The following SCEL variants were observed in gnomAD, a reference collection of about 807,000 sequenced individuals.
SCEL encodes sciellin.
In SCEL, 113 loss-of-function variants were observed where a neutral mutation model predicts 117.6. That is an observed-to-expected ratio of 0.96 (90% CI 0.83 to 1.12). The LOEUF (loss-of-function observed/expected upper bound fraction) is 1.12. Among genes scored for constraint, SCEL ranks in the 50% most tolerant of loss-of-function variants. The probability of loss-of-function intolerance (pLI) is 0.00; values close to 1 mark genes in which losing one functional copy is unlikely to be tolerated. For missense variants in SCEL, 785 were observed against 810.8 expected, an observed-to-expected ratio of 0.97 and a Z score of 0.39; for synonymous variants, 270 against 256.2, an observed-to-expected ratio of 1.05 and a Z score of -0.51.
intron 9 of SCEL, among the ~76,000 whole-genome samples, chr13:77,586,684 C>T (rs1289874256): frequency 6.6e-6 from 1 of 152,174 alleles, no homozygotes; most frequent in Non-Finnish European, 1.5e-5. Flanking sequence ...GCCAAATAAC[C>T]TGATTTTAAG....
chr13:77,540,404 C>CACAG (rs1376771924), intron 1 of SCEL, among the ~76,000 whole-genome samples: 2 of 152,070 alleles, frequency 1.3e-5, no homozygotes, highest in East Asian at 1.9e-4. Context: ...CAGCCATACA[C>CACAG]ACAGTCTTAG....
chr13:77,551,922 T>A (rs1019218570), intron 1 of SCEL, among the ~76,000 whole-genome samples: 1 of 141,146 alleles, frequency 7.1e-6, no homozygotes, highest in Non-Finnish European at 1.5e-5. Flanking sequence ...TCAATTCCCA[T>A]CTATGAGTGA....
intron 27 of SCEL, among the ~76,000 whole-genome samples, chr13:77,619,200 CCTAA>C (rs2089269886): frequency 6.6e-6 from 1 of 152,150 alleles, no homozygotes; most frequent in East Asian, 1.9e-4. Context: ...CCATGATTGG[CCTAA>C]CTCTTACATC....
chr13:77,639,028 C>T (rs767227897), intron 30 of SCEL, among the ~76,000 whole-genome samples: 3 of 152,164 alleles, frequency 2.0e-5, no homozygotes, highest in Non-Finnish European at 4.4e-5. Flanking sequence ...ACCTGTATTC[C>T]ACTCTGCATT....
chr13:77,636,807 G>A (rs989372466), intron 29 of SCEL, among the ~76,000 whole-genome samples: 1 of 152,118 alleles, frequency 6.6e-6, no homozygotes, highest in African/African-American at 2.4e-5. Context: ...TTTACATTCT[G>A]TGTAGCTTTC....
At chr13:77,614,008 T>TA (rs1232115353) in intron 24 of SCEL, 53 bp downstream of exon 24, 8 of 1,344,842 alleles carry the variant, frequency 5.9e-6, no homozygotes, top group Non-Finnish European at 8.5e-6. Flanking sequence ...AACCCAAAAT[T>TA]AATAGAAATG....
rs772286577 is a variant in SCEL, at chr13:77,602,730, T to C, written c.1037+17T>C. On this transcript the variant is annotated intron_variant, in intron 17 of 32. Coordinates refer to ENST00000349847, the MANE Select transcript of SCEL (RefSeq NM_144777.3). ...GAGCAGAAGGTGAGAACTGAACAGA[T>C]GTCTCTAAATATTGGTTATTTTCTC... The C allele has an allele frequency of 1.9e-6, 3 of 1,604,430 alleles. No individual in the cohort carries two copies. Among genetic ancestry groups the C allele is most frequent in the East Asian group, 4.5e-5 (2 of 44,778 alleles).
In SCEL at chr13:77,572,112, A is replaced by G; in HGVS notation, c.480-12A>G. ...CAATCACAATGTTTATTACCGTGTC[A>G]TTTCTTAACAGGCAGTCCTGGTTTC... On this transcript the variant is annotated splice_polypyrimidine_tract_variant and intron_variant, in intron 8 of 32. Coordinates refer to ENST00000349847, the MANE Select transcript of SCEL (RefSeq NM_144777.3). 1 of 1,610,740 alleles carries G rather than the reference A, an allele frequency of 6.2e-7. No individual in the cohort carries two copies. The highest frequency in any genetic ancestry group is 8.5e-7 in the Non-Finnish European group (1 of 1,177,252).
intron 27 of SCEL, 124 bp downstream of exon 27, chr13:77,618,184 T>A: frequency 2.6e-6 from 2 of 769,094 alleles, no homozygotes; most frequent in Non-Finnish European, 4.6e-6. Context: ...CTCCCTTTTT[T>A]CTTTCTTTCC....
intron 9 of SCEL, among the ~76,000 whole-genome samples, chr13:77,584,183 G>A (rs866126029): frequency 2.0e-5 from 3 of 152,112 alleles, no homozygotes; most frequent in Admixed American, 2.0e-4. Flanking sequence ...TCTTCAGAAC[G>A]TTCTGGCCAC....
chr13:77,593,539 A>G lies in SCEL; in HGVS notation c.718A>G (p.Lys240Glu). The G allele has an allele frequency of 5.0e-6, 8 of 1,613,106 alleles. No homozygotes were observed. The highest frequency in any genetic ancestry group is 6.8e-6 in the Non-Finnish European group (8 of 1,179,354). ...IRSQDLDNIV[K>E]VATSLQRSDK... ...GAGTCAGGATCTTGATAACATCGTC[A>G]AAGTGGCCACTTCACTTCAGAGAAG... is the stretch of plus-strand genomic sequence containing the variant. The change falls in exon 12 of 33, where the codon AAA (lysine) becomes GAA (glutamate). Residue 240 changes from lysine to glutamate, a missense_variant. Physicochemically the swap from Lys to Glu is moderately conservative, Grantham distance 56 (BLOSUM62 1). Transcript: ENST00000349847.
intron 1 of SCEL, among the ~76,000 whole-genome samples, chr13:77,539,509 A>G (rs2083584620): frequency 6.6e-6 from 1 of 152,048 alleles, no homozygotes; most frequent in South Asian, 2.1e-4. Flanking sequence ...AAAAGTTCCA[A>G]TAGAATATTT....
At chr13:77,551,739 A>C (rs1359132148) in intron 1 of SCEL, among the ~76,000 whole-genome samples, 1 of 151,940 alleles carries the variant, frequency 6.6e-6, no homozygotes, top group Non-Finnish European at 1.5e-5. Context: ...ACATGTGCAC[A>C]ATGTGCAGGT....
chr13:77,600,849 A>G (rs2087623014), intron 15 of SCEL, among the ~76,000 whole-genome samples: 1 of 152,164 alleles, frequency 6.6e-6, no homozygotes, highest in Non-Finnish European at 1.5e-5. Flanking sequence ...CATGAGAATT[A>G]TTTCTATTGT....
intron 5 of SCEL, among the ~76,000 whole-genome samples, chr13:77,567,130 C>T (rs567531218): frequency 1.3e-5 from 2 of 152,206 alleles, no homozygotes; most frequent in South Asian, 4.2e-4. Flanking sequence ...CTCAATGAGT[C>T]AGAAAGACAA....
intron 29 of SCEL, among the ~76,000 whole-genome samples, chr13:77,636,280 T>C (rs926702706): frequency 1.3e-5 from 2 of 152,208 alleles, no homozygotes; most frequent in Admixed American, 6.5e-5. Context: ...AATCATGACA[T>C]GCATCCTCCA....
intron 29 of SCEL, 74 bp downstream of exon 29, chr13:77,634,524 T>A: frequency 9.1e-7 from 1 of 1,098,238 alleles, no homozygotes; most frequent in Non-Finnish European, 1.4e-6. Flanking sequence ...TAAGAGATGC[T>A]ATTGTTTTAG....
intron 9 of SCEL, among the ~76,000 whole-genome samples, chr13:77,585,901 C>A (rs1206141724): frequency 6.6e-6 from 1 of 152,174 alleles, no homozygotes; most frequent in Non-Finnish European, 1.5e-5. Flanking sequence ...GCTTCCACAG[C>A]CTGTCTCTCA....
At chr13:77,610,541 CTAGTGT>C (rs2088578019) in intron 22 of SCEL, among the ~76,000 whole-genome samples, 1 of 151,866 alleles carries the variant, frequency 6.6e-6, no homozygotes, top group South Asian at 2.1e-4. Context: ...TGTCAGAAAT[CTAGTGT>C]TCAAGCACTT....
Sources: gnomAD v4.1 joint callset for allele counts (sites outside exome capture counted in the v4.1 genomes callset) on GRCh38, gnomAD v4.1.1 for gene constraint, MANE v1.5 for transcripts, NCBI Gene and HGNC (gene_info 2026-07-23, HGNC 2026-07-21) for gene names.